The following ZNF480 variants were observed in gnomAD, a reference collection of about 807,000 sequenced individuals.
The protein encoded by ZNF480 is zinc finger protein 480.
A neutral mutation model predicts 14.4 loss-of-function variants in ZNF480; 15 were observed. That is an observed-to-expected ratio of 1.04 (90% CI 0.70 to 1.60). The LOEUF is 1.60. Ranked by LOEUF, ZNF480 falls within the 40% of genes most tolerant of loss-of-function variation. ZNF480 has a pLI of 0.00. For missense variants in ZNF480, 593 were observed against 629.7 expected, an observed-to-expected ratio of 0.94 and a Z score of 0.62; for synonymous variants, 218 against 215.5, an observed-to-expected ratio of 1.01 and a Z score of -0.10.
At chr19:52,308,126 G>A (rs1285434366) in intron 2 of ZNF480, among the ~76,000 whole-genome samples, 3 of 151,952 alleles carry the variant, frequency 2.0e-5, no homozygotes, top group African/African-American at 7.2e-5. Context: ...GATGGGGTGC[G>A]GGCCCCATGG....
At chr19:52,317,805 C>T (rs766525763) in intron 4 of ZNF480, among the ~76,000 whole-genome samples, 3 of 152,192 alleles carry the variant, frequency 2.0e-5, no homozygotes, top group Non-Finnish European at 4.4e-5. Context: ...AACAGTGGCA[C>T]AAAATTCTCC....
chr19:52,301,446 C>T (rs1444324640), intron 2 of ZNF480: 1 of 152,180 alleles, frequency 6.6e-6, no homozygotes, highest in Admixed American at 6.5e-5. Flanking sequence ...CCTACTCATG[C>T]TCTGTTTCAT....
At chr19:52,300,229 T>G (rs544144228) in intron 1 of ZNF480, among the ~76,000 whole-genome samples, 165 bp from the exon 2 acceptor site, 1 of 152,288 alleles carries the variant, frequency 6.6e-6, no homozygotes. Flanking sequence ...AAAAACTCAC[T>G]TGTTGTTCTT....
At chr19:52,300,698 G>A (rs1027297798) in intron 2 of ZNF480, 3 of 806,934 alleles carry the variant, frequency 3.7e-6, no homozygotes, top group Non-Finnish European at 5.7e-6. Context: ...AGAATAGAGT[G>A]TAAAGTGGGA....
At chr19:52,315,802 C>T (rs1389656900) in intron 3 of ZNF480, 32 bp from the exon 4 acceptor site, 2 of 1,592,866 alleles carry the variant, frequency 1.3e-6, no homozygotes, top group South Asian at 1.1e-5. Context: ...GGAGATGCTA[C>T]AGCACATTTT....
chr19:52,316,473 A>G (rs550793969), intron 4 of ZNF480, among the ~76,000 whole-genome samples: 2 of 152,062 alleles, frequency 1.3e-5, no homozygotes, highest in South Asian at 2.1e-4. Context: ...TAAGTGATCT[A>G]TCTGCCTCTG....
At chr19:52,303,811 G>A (rs916317978) in intron 2 of ZNF480, among the ~76,000 whole-genome samples, 1 of 152,164 alleles carries the variant, frequency 6.6e-6, no homozygotes, top group African/African-American at 2.4e-5. Context: ...TCCAATTAAT[G>A]TCCCTTAGTA....
At chr19:52,306,216 C>T (rs1316983485) in intron 2 of ZNF480, among the ~76,000 whole-genome samples, 3 of 152,202 alleles carry the variant, frequency 2.0e-5, no homozygotes, top group Non-Finnish European at 4.4e-5. Flanking sequence ...CACAACACTA[C>T]GTCCTGAGCA....
At chr19:52,308,018 C>T (rs1983041731) in intron 2 of ZNF480, among the ~76,000 whole-genome samples, 1 of 152,168 alleles carries the variant, frequency 6.6e-6, no homozygotes, top group Non-Finnish European at 1.5e-5. Flanking sequence ...CTTCTAACCT[C>T]ACTTAGATTC....
chr19:52,299,842 T>A lies in ZNF480; in HGVS notation c.-19-552T>A, dbSNP rs142243910. On this transcript the variant is annotated intron_variant, in intron 1 of 4. Coordinates refer to ENST00000595962, the MANE Select transcript of ZNF480 (RefSeq NM_144684.4). ...CCAAGTAGCTGGGATTATAGGTGTG[T>A]GCCACCACGCCCAGCTAATTTTTGT... Among the ~76,000 whole-genome samples the A allele has an allele frequency of 2.0e-3, 302 of 152,254 alleles. 1 individual carries two copies. The highest frequency in any genetic ancestry group is 6.9e-3 in the African/African-American group (286 of 41,534).
chr19:52,321,094 T>A (rs1983788364), intron 4 of ZNF480, among the ~76,000 whole-genome samples: 1 of 152,188 alleles, frequency 6.6e-6, no homozygotes, highest in African/African-American at 2.4e-5. Flanking sequence ...GCCTTGTAAT[T>A]TTTGGATTAG....
chr19:52,322,373 G>C lies in ZNF480; in HGVS notation c.1123G>C (p.Glu375Gln). 1 of 1,613,926 alleles carries C rather than the reference G, an allele frequency of 6.2e-7. No homozygotes were observed. Among genetic ancestry groups the C allele is most frequent in the Non-Finnish European group, 8.5e-7 (1 of 1,179,980 alleles). The change falls in exon 5 of 5, where the codon GAA becomes CAA. Residue 375 changes from glutamate to glutamine, a missense_variant. By Grantham distance (29) the Glu-to-Gln change is conservative. Coordinates refer to ENST00000595962, the MANE Select transcript of ZNF480 (RefSeq NM_144684.4). The part of the protein sequence containing the change: ...HTGEKPYKCN[E>Q]CGKVFIQNSH... ...TGGAGAGAAACCTTACAAATGTAAT[G>C]AATGTGGAAAGGTCTTTATTCAAAA...
intron 4 of ZNF480, among the ~76,000 whole-genome samples, chr19:52,318,879 G>C (rs1396113968): frequency 2.0e-5 from 3 of 151,490 alleles, no homozygotes; most frequent in Admixed American, 6.6e-5. Flanking sequence ...ATTTTTGCAT[G>C]GGGGGATGGA....
chr19:52,302,538 C>T (rs138948120), intron 2 of ZNF480, among the ~76,000 whole-genome samples: 1 of 152,142 alleles, frequency 6.6e-6, no homozygotes, highest in Non-Finnish European at 1.5e-5. Context: ...AGCTGGAATG[C>T]CCATCACTGC....
chr19:52,298,592 T>C lies in ZNF480; in HGVS notation c.-20+1369T>C, dbSNP rs111486682. 3.2e-3 allele frequency among the ~76,000 whole-genome samples: 485 copies of C among 150,726 alleles called. 7 individuals carry two copies. Among genetic ancestry groups the C allele is most frequent in the East Asian group, 0.031 (157 of 5,104 alleles). Reference sequence around the variant, plus strand: ...GTTGCAGTGAGCTGAGATTGCGCCATTGCACTCCAGGCTGGGCGACAAGAG... The same window carrying C: ...GTTGCAGTGAGCTGAGATTGCGCCACTGCACTCCAGGCTGGGCGACAAGAG... On this transcript the variant is annotated intron_variant, in intron 1 of 4. Coordinates refer to ENST00000595962, the MANE Select transcript of ZNF480 (RefSeq NM_144684.4).
intron 3 of ZNF480, among the ~76,000 whole-genome samples, chr19:52,315,191 C>T (rs1983489902): frequency 6.6e-6 from 1 of 152,104 alleles, no homozygotes; most frequent in African/African-American, 2.4e-5. Flanking sequence ...TCAAGCAATC[C>T]ACTTGCCTCA....
At chr19:52,309,500 C>G (rs1983165162) in intron 2 of ZNF480, among the ~76,000 whole-genome samples, 1 of 152,178 alleles carries the variant, frequency 6.6e-6, no homozygotes, top group African/African-American at 2.4e-5. Context: ...TGACCTGGGG[C>G]CCTGTTACTT....
chr19:52,312,022 ATTTT>A (rs918467627), intron 2 of ZNF480, among the ~76,000 whole-genome samples: 2 of 152,010 alleles, frequency 1.3e-5, no homozygotes, highest in African/African-American at 4.8e-5. Flanking sequence ...ATTTTTATGT[ATTTT>A]TTTAACAGTT....
At chr19:52,297,962 A>G (rs1600210192) in intron 1 of ZNF480, 1 of 152,298 alleles carries the variant, frequency 6.6e-6, no homozygotes, top group East Asian at 1.9e-4. Flanking sequence ...AGCAGATGGC[A>G]AAGTAGAGAG....
Sources: gnomAD v4.1 joint callset for allele counts (sites outside exome capture counted in the v4.1 genomes callset) on GRCh38, gnomAD v4.1.1 for gene constraint, MANE v1.5 for transcripts, NCBI Gene and HGNC (gene_info 2026-07-23, HGNC 2026-07-21) for gene names.